The following ABCB5 variants were observed in gnomAD, a reference collection of about 807,000 sequenced individuals.
ABCB5 encodes the protein ATP binding cassette subfamily B member 5.
ABCB5 carries 155 observed loss-of-function variants against 144.2 expected under a neutral mutation model. The observed-to-expected ratio is 1.08, with a 90% CI of 0.94 to 1.23. The LOEUF is 1.23. Among genes scored for constraint, ABCB5 ranks in the 50% most tolerant of loss-of-function variants. The pLI, the probability that ABCB5 is intolerant of heterozygous loss-of-function variation, is 0.00. For synonymous variants in ABCB5, 610 were observed against 528.6 expected, an observed-to-expected ratio of 1.15 and a Z score of -2.11; for missense variants, 1,830 against 1,520.8, an observed-to-expected ratio of 1.20 and a Z score of -3.38.
At chr7:20,625,322 G>C (rs900375877) in intron 2 of ABCB5, among the ~76,000 whole-genome samples, 30 of 152,100 alleles carry the variant, frequency 2.0e-4, no homozygotes, top group African/African-American at 6.0e-4. Flanking sequence ...TGTTGTGTCT[G>C]TATAGAAAAC....
At chr7:20,672,757 T>G (rs1785488894) in intron 14 of ABCB5, among the ~76,000 whole-genome samples, 1 of 152,178 alleles carries the variant, frequency 6.6e-6, no homozygotes. Flanking sequence ...GACTTCCAGT[T>G]GGTCCTGTAC....
intron 11 of ABCB5, among the ~76,000 whole-genome samples, chr7:20,649,019 G>A (rs114866293): frequency 0.015 from 2,266 of 152,256 alleles, 61 homozygotes; most frequent in African/African-American, 0.052. Flanking sequence ...GCATGGGAAA[G>A]TGTTCTTTGG....
At chr7:20,708,492 A>G (rs1476898958) in intron 20 of ABCB5, among the ~76,000 whole-genome samples, 1 of 152,128 alleles carries the variant, frequency 6.6e-6, no homozygotes, top group Non-Finnish European at 1.5e-5. Flanking sequence ...TGACAAAGTG[A>G]GATCTTGTCT....
chr7:20,685,730 T>C lies in ABCB5; in HGVS notation c.1904T>C (p.Met635Thr). 6.2e-7 allele frequency: 1 copy of C among 1,612,510 alleles called. No individual in the cohort carries two copies. Among genetic ancestry groups the C allele is most frequent in the Non-Finnish European group, 8.5e-7 (1 of 1,178,880 alleles). Residue 635 changes from methionine to threonine, a missense_variant, in exon 16 of 28, where the codon ATG becomes ACG. By Grantham distance (81) the Met-to-Thr change is moderately conservative (BLOSUM62 -1). Coordinates refer to ENST00000404938, the MANE Select transcript of ABCB5 (RefSeq NM_001163941.2). The part of the protein sequence containing the change: ...IKKADEQMES[M>T]TYSTERKTNS... The stretch of plus-strand genomic sequence containing the variant: ...AAAGCTGATGAACAGATGGAGTCAA[T>C]GACATATTCTACTGAAAGAAAGACC...
chr7:20,733,485 T>G (rs1056430915), intron 23 of ABCB5, among the ~76,000 whole-genome samples: 2 of 152,100 alleles, frequency 1.3e-5, no homozygotes, highest in African/African-American at 4.8e-5. Context: ...ATAAGCATTT[T>G]AACTATCAGA....
chr7:20,730,979 A>G lies in ABCB5; in HGVS notation c.2867+2524A>G, dbSNP rs572732530. 8.5e-5 allele frequency among the ~76,000 whole-genome samples: 13 copies of G among 152,214 alleles called. No individual in the cohort carries two copies. In the South Asian group the frequency reaches 2.7e-3, roughly 32 times the overall value. ...ATGTACGAGGTTTGATGATTTTCCA[A>G]ATTCTCACAGAAGAATTTTCATCTG... On this transcript the variant is annotated intron_variant, in intron 23 of 27. Transcript: ENST00000404938.
rs58696871 is a variant in ABCB5, at chr7:20,691,168, C to CTT, written c.2010+5364_2010+5365dup. Among the ~76,000 whole-genome samples, 338 of 46,102 alleles carry CTT rather than the reference C, an allele frequency of 7.3e-3. 19 individuals carry two copies. Among genetic ancestry groups the CTT allele is most frequent in the African/African-American group, 8.3e-3 (123 of 14,838 alleles). 30.2% of individuals were successfully genotyped at this position (46,102 alleles called of 152,430 possible). The stretch of plus-strand genomic sequence containing the variant: ...GAAAACACAGACAAAACCCAGTGGA[C>CTT]TTTTTTTTTTTTTTTTTTTTTTTTT... On this transcript the variant is annotated intron_variant, in intron 16 of 27. Coordinates refer to ENST00000404938, the MANE Select transcript of ABCB5 (RefSeq NM_001163941.2).
intron 24 of ABCB5, among the ~76,000 whole-genome samples, chr7:20,741,056 T>C (rs2128054888): frequency 7.0e-6 from 1 of 142,092 alleles, no homozygotes; most frequent in African/African-American, 2.7e-5. Context: ...TGAGCCGAGA[T>C]CACACCACTG....
intron 23 of ABCB5, among the ~76,000 whole-genome samples, chr7:20,734,349 TA>T (rs1782316925): frequency 6.6e-6 from 1 of 151,382 alleles, no homozygotes; most frequent in South Asian, 2.1e-4. Context: ...AGCCATTCTC[TA>T]AACCAATGGT....
intron 16 of ABCB5, among the ~76,000 whole-genome samples, chr7:20,692,038 T>C (rs1446039037): frequency 1.3e-5 from 2 of 152,194 alleles, no homozygotes; most frequent in African/African-American, 4.8e-5. Flanking sequence ...ATATTCCGTA[T>C]GTACATATGT....
In ABCB5 at chr7:20,755,415, T is replaced by G; in HGVS notation, c.3577-12T>G. 6.2e-7 allele frequency: 1 copy of G among 1,613,298 alleles called. No individual in the cohort carries two copies. The highest frequency in any genetic ancestry group is 2.2e-5 in the East Asian group (1 of 44,850). Reference sequence around the variant, plus strand: ...ACTCAAACTGGTGATCACAGGTCTTTCTCTCTTCCAGGTGGTTCAGCATGC... The same window carrying G: ...ACTCAAACTGGTGATCACAGGTCTTGCTCTCTTCCAGGTGGTTCAGCATGC... On this transcript the variant is annotated splice_polypyrimidine_tract_variant and intron_variant, in intron 27 of 27. Transcript: ENST00000404938.
chr7:20,649,043 A>G (rs1784498036), intron 11 of ABCB5, among the ~76,000 whole-genome samples: 1 of 152,190 alleles, frequency 6.6e-6, no homozygotes, highest in Non-Finnish European at 1.5e-5. Flanking sequence ...TTAAACAACT[A>G]TTTTTAAAAT....
chr7:20,687,129 T>C (rs1035425332), intron 16 of ABCB5, among the ~76,000 whole-genome samples: 2 of 152,154 alleles, frequency 1.3e-5, no homozygotes, highest in African/African-American at 4.8e-5. Context: ...ACAAGAAAGT[T>C]TGTACTGAGA....
At chr7:20,671,520 CTAGAGAT>C (rs1418902445) in intron 14 of ABCB5, among the ~76,000 whole-genome samples, 3 of 152,180 alleles carry the variant, frequency 2.0e-5, no homozygotes, top group Non-Finnish European at 4.4e-5. Flanking sequence ...CTTACTGCCA[CTAGAGAT>C]TAGTTTGTAT....
At chr7:20,693,591 G>A (rs1374014394) in intron 16 of ABCB5, among the ~76,000 whole-genome samples, 1 of 151,984 alleles carries the variant, frequency 6.6e-6, no homozygotes, top group Admixed American at 6.6e-5. Context: ...TGTATAGGAA[G>A]CTTAAAGTGA....
chr7:20,661,366 T>C (rs1259585773), intron 14 of ABCB5, among the ~76,000 whole-genome samples: 20 of 152,184 alleles, frequency 1.3e-4, no homozygotes, highest in Non-Finnish European at 2.8e-4. Flanking sequence ...CACTTGAACG[T>C]AAACTCTCTG....
At chr7:20,654,150 G>A (rs2128027525) in intron 13 of ABCB5, among the ~76,000 whole-genome samples, 1 of 152,130 alleles carries the variant, frequency 6.6e-6, no homozygotes, top group East Asian at 1.9e-4. Flanking sequence ...CAGTGCTTGA[G>A]TTGCCTACTA....
In ABCB5 at chr7:20,728,379, T is replaced by C. The variant is rs1285587942; in HGVS notation, c.2791T>C (p.Phe931Leu). ...CYAFSHAFIYFAYAAGFRFGA... is the reference protein window; with the variant it reads ...CYAFSHAFIYLAYAAGFRFGA... ...TGCATTCAGCCATGCCTTTATATAT[T>C]TTGCCTATGCGGCAGGGTTTCGATT... The change falls in exon 23 of 28, where the codon TTT becomes CTT. Residue 931 changes from phenylalanine (F) to leucine (L), a missense_variant. Phe to Leu is a conservative substitution (Grantham distance 22, BLOSUM62 0). Coordinates refer to ENST00000404938, the MANE Select transcript of ABCB5 (RefSeq NM_001163941.2). 1 of 1,614,070 alleles carries C rather than the reference T, an allele frequency of 6.2e-7. No homozygotes were observed. The highest frequency in any genetic ancestry group is 1.3e-5 in the African/African-American group (1 of 74,930).
chr7:20,686,329 C>G (rs1016026291), intron 16 of ABCB5, among the ~76,000 whole-genome samples: 2 of 152,294 alleles, frequency 1.3e-5, no homozygotes, highest in East Asian at 3.9e-4. Context: ...ACTCCTACCC[C>G]CAAAGCCCCA....
Sources: allele counts gnomAD v4.1 joint callset (sites outside exome capture counted in the v4.1 genomes callset), GRCh38; gene constraint gnomAD v4.1.1; transcripts MANE v1.5; gene names NCBI Gene and HGNC (gene_info 2026-07-23, HGNC 2026-07-21).